CDK19: variants seen among roughly 807,000 people sequenced by gnomAD.
CDK19 encodes the protein cyclin-dependent kinase 19.
A neutral mutation model predicts 68.3 loss-of-function variants in CDK19; 20 were observed. The observed-to-expected ratio is 0.29, with a 90% CI of 0.21 to 0.43. The LOEUF is 0.43. Ranked by LOEUF, CDK19 falls within the 20% of genes least tolerant of loss-of-function variation. The pLI, the probability that CDK19 is intolerant of heterozygous loss-of-function variation, is 1.00. For missense variants in CDK19, 339 were observed against 623.5 expected, an observed-to-expected ratio of 0.54 and a Z score of 4.86; for synonymous variants, 221 against 222.8, an observed-to-expected ratio of 0.99 and a Z score of 0.07.
chr6:110,696,572 A>C (rs1231134390), intron 2 of CDK19, among the ~76,000 whole-genome samples: 1 of 152,178 alleles, frequency 6.6e-6, no homozygotes, highest in African/African-American at 2.4e-5. Context: ...CTGCTTGCTG[A>C]TATGATTGTA....
intron 2 of CDK19, among the ~76,000 whole-genome samples, chr6:110,725,128 A>C (rs1424831343): frequency 1.3e-5 from 2 of 152,138 alleles, no homozygotes; most frequent in African/African-American, 4.8e-5. Flanking sequence ...TAAATCTCTA[A>C]TCTCCATAAA....
At chr6:110,809,255 C>G (rs926059634) in intron 1 of CDK19, among the ~76,000 whole-genome samples, 1 of 150,474 alleles carries the variant, frequency 6.6e-6, no homozygotes, top group African/African-American at 2.4e-5. Flanking sequence ...TGACTCATGT[C>G]TGTAATCCCA....
chr6:110,722,460 A>G (rs1048913035), intron 2 of CDK19: 5 of 151,720 alleles, frequency 3.3e-5, no homozygotes, highest in African/African-American at 1.2e-4. Context: ...GCACTTTGGG[A>G]GGCCAAGGCA....
At chr6:110,617,150 T>C (rs1562121919) in intron 12 of CDK19, among the ~76,000 whole-genome samples, 1 of 152,170 alleles carries the variant, frequency 6.6e-6, no homozygotes, top group East Asian at 1.9e-4. Context: ...AGAATTCCCC[T>C]TCCCTAAGGC....
intron 2 of CDK19, among the ~76,000 whole-genome samples, chr6:110,674,211 T>C (rs898001137): frequency 2.0e-5 from 3 of 152,322 alleles, no homozygotes; most frequent in Admixed American, 1.3e-4. Flanking sequence ...TGTATTCTGA[T>C]TGCCTCACCC....
intron 2 of CDK19, among the ~76,000 whole-genome samples, chr6:110,698,931 C>T (rs1168961978): frequency 1.3e-5 from 2 of 151,534 alleles, no homozygotes; most frequent in African/African-American, 2.4e-5. Flanking sequence ...GGCATAGTGG[C>T]ACATACCTGT....
Position 110,674,466 on chromosome 6 carries a change from A to C in CDK19, c.205-3925T>G, listed in dbSNP as rs9374193. Among the ~76,000 whole-genome samples the C allele has an allele frequency of 0.022, 3,324 of 152,340 alleles. 367 individuals are homozygous for C. In the East Asian group the frequency reaches 0.36, roughly 16 times the overall value. ...CTTGCACCAGTTAGCCAAGTTGTGA[A>C]TGCAAAGAAAAAGTTCTTGAAGGAA... On this transcript the variant is annotated intron_variant, in intron 2 of 12. Transcript: ENST00000368911.
At chr6:110,625,650 T>G (rs889270773) in intron 8 of CDK19, among the ~76,000 whole-genome samples, 16 of 152,266 alleles carry the variant, frequency 1.1e-4, no homozygotes, top group African/African-American at 3.4e-4. Flanking sequence ...TTGGGAGTTA[T>G]CCACATAATT....
Position 110,621,223 on chromosome 6 carries a change from C to T in CDK19, c.1258G>A (p.Gly420Arg), listed in dbSNP as rs145745297. 8 of 1,613,442 alleles carry T rather than the reference C, an allele frequency of 5.0e-6. No individual in the cohort carries two copies. In the Admixed American group the frequency reaches 6.7e-5, roughly 13 times the overall value. The change falls in exon 12 of 13, where the codon GGA (glycine) becomes AGA (arginine). Residue 420 changes from glycine (G) to arginine (R), a missense_variant. This residue lies in a region of CDK19 where 155 missense variants were observed against 222.7 expected (regional missense o/e 0.70). Coordinates refer to ENST00000368911, the MANE Select transcript of CDK19 (RefSeq NM_015076.5). This position sits in a 1 kb window ranked among gnomAD's most constrained non-coding sequence, Gnocchi z 5.4. ...GGAGAGVGGT[G>R]AGLQHSQDSS... is the part of the protein sequence containing the mutation. The stretch of plus-strand genomic sequence containing the variant: ...TCCTGGCTGTGCTGCAACCCTGCTC[C>T]GGTGCCCCCGACCCCGGCCCCAGCC...
chr6:110,767,440 C>T (rs1035724322), intron 1 of CDK19, among the ~76,000 whole-genome samples: 7 of 151,060 alleles, frequency 4.6e-5, no homozygotes, highest in Non-Finnish European at 7.4e-5. Flanking sequence ...CAAAAACCTC[C>T]GCCTCCCAGG....
At chr6:110,713,468 C>A (rs552087341) in intron 2 of CDK19, among the ~76,000 whole-genome samples, 4,702 of 75,312 alleles carry the variant, frequency 0.062, 118 homozygotes, top group Middle Eastern at 0.14. Flanking sequence ...CTCAAGTGAT[C>A]CTCTTGTCTC....
chr6:110,636,502 G>A (rs1037547183), intron 5 of CDK19, among the ~76,000 whole-genome samples: 10 of 152,116 alleles, frequency 6.6e-5, no homozygotes, highest in South Asian at 2.1e-4. Context: ...ATAGACCAGC[G>A]GAGAAGACAC....
intron 1 of CDK19, among the ~76,000 whole-genome samples, chr6:110,809,926 G>C (rs1013325547): frequency 5.3e-5 from 8 of 152,180 alleles, no homozygotes; most frequent in Admixed American, 1.3e-4. Context: ...AGTACACCGA[G>C]TGATTAAGAG....
intron 1 of CDK19, among the ~76,000 whole-genome samples, chr6:110,779,206 T>C (rs1369498077): frequency 6.6e-6 from 1 of 152,070 alleles, no homozygotes; most frequent in African/African-American, 2.4e-5. Context: ...CCTCCAGCCA[T>C]AAAGAACCAA....
At chr6:110,810,986 A>G (rs1041086322) in intron 1 of CDK19, among the ~76,000 whole-genome samples, 3 of 151,838 alleles carry the variant, frequency 2.0e-5, no homozygotes, top group Non-Finnish European at 4.4e-5. Context: ...TTTTCCTCCC[A>G]TGGTATTAGG....
At chr6:110,728,352 G>T (rs6908040) in intron 2 of CDK19, among the ~76,000 whole-genome samples, 3,130 of 151,510 alleles carry the variant, frequency 0.021, 92 homozygotes, top group African/African-American at 0.073. Flanking sequence ...CAAATTAGCT[G>T]CCAAAGCCAG....
At chr6:110,647,623 T>A (rs1004963092) in intron 4 of CDK19, among the ~76,000 whole-genome samples, 1 of 152,134 alleles carries the variant, frequency 6.6e-6, no homozygotes, top group African/African-American at 2.4e-5. Flanking sequence ...CTGAAGAAAC[T>A]AAGAAATGCT....
intron 12 of CDK19, among the ~76,000 whole-genome samples, chr6:110,617,003 AACTCT>A (rs1778355223): frequency 6.6e-6 from 1 of 152,104 alleles, no homozygotes; most frequent in African/African-American, 2.4e-5. Context: ...AAAGCCTTGA[AACTCT>A]ACTAATGGAA....
At chr6:110,772,483 A>T (rs1234456084) in intron 1 of CDK19, among the ~76,000 whole-genome samples, 1 of 152,152 alleles carries the variant, frequency 6.6e-6, no homozygotes, top group Admixed American at 6.6e-5. Flanking sequence ...GAGCCAAACC[A>T]TATCACACTT....
Sources: allele counts gnomAD v4.1 joint callset (sites outside exome capture counted in the v4.1 genomes callset), GRCh38; gene constraint gnomAD v4.1.1; regional missense constraint gnomAD v4.1.1; non-coding constraint Gnocchi (gnomAD v3.1); transcripts MANE v1.5; gene names NCBI Gene and HGNC (gene_info 2026-07-23, HGNC 2026-07-21).